The following RFPL4A variants were observed in gnomAD, a reference collection of about 807,000 sequenced individuals.
The protein encoded by RFPL4A is ret finger protein-like 4A.
RFPL4A carries 4 observed loss-of-function variants against 8.3 expected under a neutral mutation model. The ratio of observed to expected loss-of-function variants is 0.48; its 90% CI spans 0.24 to 1.10. The LOEUF is 1.10. Among genes scored for constraint, RFPL4A ranks in the 50% least tolerant of loss-of-function variants. The pLI is 0.18. For missense variants in RFPL4A, 111 were observed against 358.7 expected (o/e 0.31, Z 5.58); for synonymous variants, 43 against 136.6 (o/e 0.31, Z 4.78).
rs1989334384 is a variant in RFPL4A at position 55,763,377 on chromosome 19, G to C, written c.*202G>C. The stretch of plus-strand genomic sequence containing the variant: ...AGTTTGTCATGTTGTTTTCTTTGGG[G>C]CTTATGTTTATATTTCTGTTCAATA... On this transcript the variant is annotated 3_prime_UTR_variant, in exon 3 of 3. Coordinates refer to ENST00000434937, the MANE Select transcript of RFPL4A (RefSeq NM_001145014.2). 6.7e-6 allele frequency among the ~76,000 whole-genome samples: 1 copy of C among 149,840 alleles called. No individual in the cohort carries two copies. Among genetic ancestry groups the C allele is most frequent in the Admixed American group, 6.6e-5 (1 of 15,208 alleles).
upstream of RFPL4A, among the ~76,000 whole-genome samples, chr19:55,757,995 A>G (rs1989205176): frequency 6.6e-6 from 1 of 152,368 alleles, no homozygotes; most frequent in South Asian, 2.1e-4. Context: ...AAATGTGAGT[A>G]TATTTTAAAA....
intron 2 of RFPL4A, among the ~76,000 whole-genome samples, 179 bp downstream of exon 2, chr19:55,762,265 G>C (rs571537194): frequency 2.7e-5 from 4 of 150,788 alleles, no homozygotes; most frequent in South Asian, 2.1e-4. Flanking sequence ...GTGCAAGTTT[G>C]TAGAATACTT....
intron 1 of RFPL4A, among the ~76,000 whole-genome samples, chr19:55,761,528 T>C (rs542783831): frequency 0.011 from 1,582 of 142,334 alleles, 146 homozygotes; most frequent in African/African-American, 0.04. Flanking sequence ...ATGAAACAGT[T>C]CAGGTGTAGA....
In RFPL4A at chr19:55,761,649, G is replaced by A. The variant is rs535526023; in HGVS notation, c.-9-143G>A. ...TCGAGTCATTGACATTTGTATTCATGTTGTGTCTTCGTCACTAGCAGTAGT... is the reference window on the plus strand; with the variant it reads ...TCGAGTCATTGACATTTGTATTCATATTGTGTCTTCGTCACTAGCAGTAGT... On this transcript the variant is annotated intron_variant, in intron 1 of 2. Coordinates refer to ENST00000434937, the MANE Select transcript of RFPL4A (RefSeq NM_001145014.2). The A allele has an allele frequency of 1.0e-5, 13 of 1,259,980 alleles. 1 individual carries two copies. The African/African-American group carries it at 1.7e-4, about 16-fold the overall frequency. The allele number at this position is 1,259,980 out of a possible 1,614,324, so 78.1% of individuals were successfully genotyped here. A position where few individuals can be genotyped will look rare whatever the true frequency, so the allele number is the denominator to read the frequency against.
At position 55,762,106 on chromosome 19, in the gene RFPL4A, T is replaced by C. The variant is rs1374881195; in HGVS notation, c.286+20T>C. ...TTCAAGGTAAGGAATCTATAGGACC[T>C]GCCACAACCCATAAAAGGCACTGGG... On this transcript the variant is annotated intron_variant, in intron 2 of 2. Coordinates refer to ENST00000434937, the MANE Select transcript of RFPL4A (RefSeq NM_001145014.2). 6.6e-7 allele frequency: 1 copy of C among 1,526,546 alleles called. No individual in the cohort carries two copies. Among genetic ancestry groups the C allele is most frequent in the Non-Finnish European group, 8.9e-7 (1 of 1,127,016 alleles). 94.6% of individuals were successfully genotyped at this position (1,526,546 alleles called of 1,614,324 possible). A position where few individuals can be genotyped will look rare whatever the true frequency, so the allele number is the denominator to read the frequency against.
Position 55,762,880 on chromosome 19 carries a change from G to C in RFPL4A, c.569G>C (p.Gly190Ala), listed in dbSNP as rs1157169621. The stretch of plus-strand genomic sequence containing the variant: ...TCAGAACACGGCTTCTTGACTGTGG[G>C]TTGCAGAGAAGGAAAGGTCTTTGCT... ...LSSEHGFLTV[G>A]CREGKVFAAS... The change falls in exon 3 of 3, where the codon GGT becomes GCT. Residue 190 changes from glycine to alanine, a missense_variant. By Grantham distance (60) the Gly-to-Ala change is moderately conservative (BLOSUM62 0). Transcript: ENST00000434937. 6.5e-7 allele frequency: 1 copy of C among 1,536,368 alleles called. No homozygotes were observed. Among genetic ancestry groups the C allele is most frequent in the East Asian group, 2.4e-5 (1 of 40,818 alleles).
chr19:55,759,067 G>A (rs1459399312), upstream of RFPL4A: 2 of 142,402 alleles, frequency 1.4e-5, no homozygotes, highest in Non-Finnish European at 3.2e-5. Flanking sequence ...TGGCTAAGGT[G>A]GGTGGAGACA....
At chr19:55,757,694 G>T, upstream of RFPL4A, among the ~76,000 whole-genome samples, 1 of 152,090 alleles carries the variant, frequency 6.6e-6, no homozygotes, top group Non-Finnish European at 1.5e-5. Flanking sequence ...CCACCAGTGT[G>T]CCAGCAATCC....
chr19:55,758,351 T>C (rs1001592790), upstream of RFPL4A, among the ~76,000 whole-genome samples: 1 of 152,288 alleles, frequency 6.6e-6, no homozygotes, highest in African/African-American at 2.4e-5. Flanking sequence ...ATTAATGTAA[T>C]CAAATCCTTT....
chr19:55,761,262 T>A (rs569727384), intron 1 of RFPL4A, among the ~76,000 whole-genome samples: 1 of 138,882 alleles, frequency 7.2e-6, no homozygotes, highest in African/African-American at 2.6e-5. Context: ...AAACATAAGA[T>A]AACCCATATA....
In RFPL4A at chr19:55,762,185, G is replaced by A. The variant is rs1410228147; in HGVS notation, c.286+99G>A. ...AACATAGGCATTAGCAGGATATCTA[G>A]CATCTAAAACTTCCATGCTTCACAA... On this transcript the variant is annotated intron_variant, in intron 2 of 2. Transcript: ENST00000434937. The A allele has an allele frequency of 1.1e-5, 14 of 1,233,900 alleles. 1 individual carries two copies. The African/African-American group carries it at 1.6e-4, about 14-fold the overall frequency. The allele number at this position is 1,233,900 out of a possible 1,614,324, so 76.4% of individuals were successfully genotyped here.
At chr19:55,760,783 T>A (rs553702615) in intron 1 of RFPL4A, among the ~76,000 whole-genome samples, 1 of 151,636 alleles carries the variant, frequency 6.6e-6, no homozygotes. Context: ...GTTTTGGTCC[T>A]ATGTGAAAAT....
intron 1 of RFPL4A, among the ~76,000 whole-genome samples, chr19:55,760,260 C>G (rs1374291896): frequency 4.0e-5 from 6 of 151,480 alleles, no homozygotes; most frequent in Non-Finnish European, 8.8e-5. Context: ...TATCTCATCG[C>G]GGTTTTGTTG....
At chr19:55,759,472 A>G (rs1301036023) in intron 1 of RFPL4A, among the ~76,000 whole-genome samples, 1 of 151,390 alleles carries the variant, frequency 6.6e-6, no homozygotes, top group Non-Finnish European at 1.5e-5. Flanking sequence ...AGGTTTTCCT[A>G]TGGGTTTGGT....
chr19:55,759,256 A>G (rs1412384209), intron 1 of RFPL4A, 81 bp downstream of exon 1: 1 of 152,170 alleles, frequency 6.6e-6, no homozygotes. Flanking sequence ...TGATTCCACA[A>G]GTGTTGTCTG....
upstream of RFPL4A, among the ~76,000 whole-genome samples, chr19:55,757,632 G>A (rs1365298461): frequency 1.3e-5 from 2 of 152,052 alleles, no homozygotes; most frequent in African/African-American, 4.8e-5. Flanking sequence ...TGCTTTCTGT[G>A]AAAAGATGCA....
At position 55,759,794 on chromosome 19, in the gene RFPL4A, C is replaced by A. The variant is rs73933337; in HGVS notation, c.-10+619C>A. On this transcript the variant is annotated intron_variant, in intron 1 of 2. Transcript: ENST00000434937. ...ATCAGTCAACTCAGATTCCACATAACTGAGATCATACAGTGTTTACTTCCC... is the reference window on the plus strand; with the variant it reads ...ATCAGTCAACTCAGATTCCACATAAATGAGATCATACAGTGTTTACTTCCC... 3.6e-3 allele frequency among the ~76,000 whole-genome samples: 541 copies of A among 151,536 alleles called. 3 individuals are homozygous for A. The highest frequency in any genetic ancestry group is 0.013 in the African/African-American group (520 of 41,132).
chr19:55,760,812 G>A (rs935117944), intron 1 of RFPL4A, among the ~76,000 whole-genome samples: 3 of 151,468 alleles, frequency 2.0e-5, no homozygotes, highest in South Asian at 2.1e-4. Flanking sequence ...ATACGTTCTC[G>A]ATTCTCTTGT....
At chr19:55,760,170 G>C (rs1437678561) in intron 1 of RFPL4A, among the ~76,000 whole-genome samples, 1 of 151,650 alleles carries the variant, frequency 6.6e-6, no homozygotes, top group East Asian at 2.0e-4. Context: ...CCGTGCACAA[G>C]GGTTCCCCTT....
Sources: gnomAD v4.1 joint callset for allele counts (sites outside exome capture counted in the v4.1 genomes callset) on GRCh38, gnomAD v4.1.1 for gene constraint, MANE v1.5 for transcripts, NCBI Gene and HGNC (gene_info 2026-07-23, HGNC 2026-07-21) for gene names.